The following P2RY8 variants were observed in gnomAD, a reference collection of about 807,000 sequenced individuals.
The protein encoded by P2RY8 is S-geranylgeranyl-glutathione receptor P2RY8.
Under a neutral mutation model 10.0 loss-of-function variants are expected in P2RY8, and 6 were observed. The observed-to-expected ratio is 0.60, with a 90% CI of 0.33 to 1.19. The LOEUF (loss-of-function observed/expected upper bound fraction) is 1.19, where lower values mean the gene tolerates loss of function less well. P2RY8 is among the 50% of genes most tolerant of loss of function. The pLI is 0.04. For synonymous variants in P2RY8, 276 were observed against 252.5 expected, an observed-to-expected ratio of 1.09 and a Z score of -0.88; for missense variants, 456 against 542.0, an observed-to-expected ratio of 0.84 and a Z score of 1.58.
intron 1 of P2RY8, among the ~76,000 whole-genome samples, chrX:1,513,682 G>C (rs760534208): frequency 6.6e-6 from 1 of 151,804 alleles, no homozygotes; most frequent in African/African-American, 2.4e-5. Flanking sequence ...CTGAGCATTA[G>C]GATATGGACA....
At chrX:1,535,728 G>GACACACACAC (rs1394998161) in intron 1 of P2RY8, among the ~76,000 whole-genome samples, 13 of 54,894 alleles carry the variant, frequency 2.4e-4, no homozygotes, top group East Asian at 1.2e-3. Flanking sequence ...CACACACACA[G>GACACACACAC]ACACACACAC....
rs1229016494 is a variant in P2RY8 at position 1,465,627 on chromosome X, C to A, written c.932G>T (p.Arg311Leu). ...QLRLREYLGC[R>L]RVPRDTLDTR... is the part of the protein sequence containing the mutation. ...GTCCAGGGTGTCTCTGGGCACCCGG[C>A]GGCAGCCCAAATATTCCCGCAGGCG... is the stretch of plus-strand genomic sequence containing the variant. The change falls in exon 2 of 2, where the codon CGC becomes CTC. Residue 311 changes from arginine to leucine, a missense_variant. By Grantham distance (102) the Arg-to-Leu change is moderately radical. Transcript: ENST00000381297. 18 of 1,613,218 alleles carry A rather than the reference C, an allele frequency of 1.1e-5. No individual in the cohort carries two copies. The South Asian group carries it at 1.8e-4, about 16-fold the overall frequency.
At chrX:1,527,248 T>C (rs1204073415) in intron 1 of P2RY8, among the ~76,000 whole-genome samples, 1 of 152,164 alleles carries the variant, frequency 6.6e-6, no homozygotes, top group Non-Finnish European at 1.5e-5. Flanking sequence ...CATCCGTCCA[T>C]CTATTTATTC....
chrX:1,488,062 A>G (rs2092003196), intron 1 of P2RY8, among the ~76,000 whole-genome samples: 1 of 151,906 alleles, frequency 6.6e-6, no homozygotes, highest in Non-Finnish European at 1.5e-5. Flanking sequence ...GTGAGCCAAG[A>G]TCGTGCCGCT....
chrX:1,497,278 G>C (rs1427177314), intron 1 of P2RY8, among the ~76,000 whole-genome samples: 1 of 148,798 alleles, frequency 6.7e-6, no homozygotes, highest in African/African-American at 2.5e-5. Flanking sequence ...ATCACAGAGA[G>C]AGATCAATGT....
At chrX:1,507,351 TC>T (rs2092243998) in intron 1 of P2RY8, among the ~76,000 whole-genome samples, 1 of 151,718 alleles carries the variant, frequency 6.6e-6, no homozygotes, top group South Asian at 2.1e-4. Context: ...TGAACACCTG[TC>T]AGTCAGCACC....
At chrX:1,466,963 A>G (rs1470755950) in intron 1 of P2RY8, among the ~76,000 whole-genome samples, 5 of 116,062 alleles carry the variant, frequency 4.3e-5, no homozygotes, top group African/African-American at 1.6e-4. Flanking sequence ...TCAGAGGCTG[A>G]GACTCTTAGA....
chrX:1,463,098 A>G lies in P2RY8; in HGVS notation c.*2381T>C, dbSNP rs1384056812. 4.3e-6 allele frequency: 1 copy of G among 232,762 alleles called. No individual in the cohort carries two copies. Among genetic ancestry groups the G allele is most frequent in the Non-Finnish European group, 8.5e-6 (1 of 117,960 alleles). 14.4% of individuals were successfully genotyped at this position (232,762 alleles called of 1,614,324 possible). A position where few individuals can be genotyped will look rare whatever the true frequency, so the allele number is the denominator to read the frequency against. ...TCGGCTTCCTCTGACTCAAGCTCTC[A>G]TTTTTGTTTACAAGGCAGTTTAGGG... On this transcript the variant is annotated 3_prime_UTR_variant, in exon 2 of 2. Transcript: ENST00000381297.
intron 1 of P2RY8, among the ~76,000 whole-genome samples, chrX:1,526,297 AT>A (rs2092439578): frequency 1.3e-5 from 2 of 150,584 alleles, no homozygotes; most frequent in South Asian, 4.2e-4. Context: ...TCATTCATTC[AT>A]TCCTTATCCA....
chrX:1,532,900 G>T (rs1345565907), intron 1 of P2RY8, among the ~76,000 whole-genome samples: 4 of 151,332 alleles, frequency 2.6e-5, no homozygotes, highest in African/African-American at 9.7e-5. Context: ...CTCAGGAGGA[G>T]GCTGAGGCAG....
intron 1 of P2RY8, among the ~76,000 whole-genome samples, chrX:1,482,255 C>T (rs373519833): frequency 7.7e-5 from 11 of 143,634 alleles, no homozygotes; most frequent in Non-Finnish European, 1.5e-4. Flanking sequence ...AGCCACTGTA[C>T]GTGGAATTAA....
chrX:1,512,502 A>C (rs181043885), intron 1 of P2RY8, among the ~76,000 whole-genome samples: 3 of 139,798 alleles, frequency 2.1e-5, no homozygotes, highest in South Asian at 4.6e-4. Context: ...GGCTGAGATC[A>C]TGCCATTGCA....
intron 1 of P2RY8, among the ~76,000 whole-genome samples, chrX:1,483,155 C>T (rs141478033): frequency 0.025 from 3,861 of 152,212 alleles, 82 homozygotes; most frequent in Non-Finnish European, 0.036. Context: ...TGAGTTGACG[C>T]GGACTTGCCT....
chrX:1,491,160 C>T (rs1374875784), intron 1 of P2RY8, among the ~76,000 whole-genome samples: 21 of 150,916 alleles, frequency 1.4e-4, no homozygotes, highest in African/African-American at 5.1e-4. Context: ...GAATGATACC[C>T]CAGATTCACT....
chrX:1,533,838 T>TTTA (rs200234867), intron 1 of P2RY8, among the ~76,000 whole-genome samples: 9,746 of 121,970 alleles, frequency 0.08, 496 homozygotes, highest in Non-Finnish European at 0.11. Flanking sequence ...TATACTTATA[T>TTTA]TTATTTAAAT....
intron 1 of P2RY8, among the ~76,000 whole-genome samples, chrX:1,512,772 G>C (rs1244878572): frequency 1.3e-5 from 2 of 152,084 alleles, no homozygotes; most frequent in African/African-American, 2.4e-5. Flanking sequence ...CACAGGAACA[G>C]TATGGGAGAA....
intron 1 of P2RY8, among the ~76,000 whole-genome samples, chrX:1,484,540 C>G (rs1213263145): frequency 6.6e-6 from 1 of 151,480 alleles, no homozygotes; most frequent in Non-Finnish European, 1.5e-5. Context: ...GCCTGGTCAA[C>G]AAGGCAAAGC....
At chrX:1,533,152 C>A (rs554657713) in intron 1 of P2RY8, among the ~76,000 whole-genome samples, 1 of 150,522 alleles carries the variant, frequency 6.6e-6, no homozygotes, top group Non-Finnish European at 1.5e-5. Context: ...GCTTGGGTGA[C>A]GGATACCCTG....
At chrX:1,518,625 C>T in intron 1 of P2RY8, among the ~76,000 whole-genome samples, 1 of 151,868 alleles carries the variant, frequency 6.6e-6, no homozygotes, top group South Asian at 2.1e-4. Flanking sequence ...CCTCAATATC[C>T]TTGCTGGGCC....
Sources: gnomAD v4.1 joint callset for allele counts (sites outside exome capture counted in the v4.1 genomes callset) on GRCh38, gnomAD v4.1.1 for gene constraint, MANE v1.5 for transcripts, NCBI Gene and HGNC (gene_info 2026-07-23, HGNC 2026-07-21) for gene names.